SEC23A: variants seen among roughly 807,000 people sequenced by gnomAD.
The protein encoded by SEC23A is SEC23 homolog A, COPII component.
A neutral mutation model predicts 103.7 loss-of-function variants in SEC23A; 56 were observed. The observed-to-expected ratio is 0.54, with a 90% CI of 0.44 to 0.67. The LOEUF is 0.67. Among genes scored for constraint, SEC23A ranks in the 30% least tolerant of loss-of-function variants. The probability of loss-of-function intolerance (pLI) is 0.00; values close to 1 mark genes in which losing one functional copy is unlikely to be tolerated. For missense variants in SEC23A, 784 were observed against 936.4 expected (o/e 0.84, Z 2.12); for synonymous variants, 281 against 293.0 (o/e 0.96, Z 0.42).
intron 4 of SEC23A, 81 bp from the exon 5 acceptor site, chr14:39,091,794 T>A: frequency 1.1e-6 from 1 of 929,166 alleles, no homozygotes; most frequent in Non-Finnish European, 1.8e-6. Context: ...ACTAATTAAA[T>A]AACGAATACA....
intron 5 of SEC23A, among the ~76,000 whole-genome samples, chr14:39,089,467 TCCG>T (rs1887583117): frequency 7.2e-6 from 1 of 139,546 alleles, no homozygotes; most frequent in Non-Finnish European, 1.6e-5. Flanking sequence ...TCTAAGGTAC[TCCG>T]CTTCCTGTGC....
In SEC23A at chr14:39,066,016, A is replaced by C. The variant is rs1194306115; in HGVS notation, c.1228-1023T>G. 8.2e-5 allele frequency among the ~76,000 whole-genome samples: 12 copies of C among 146,666 alleles called. 1 individual carries two copies. The highest frequency in any genetic ancestry group is 5.9e-4 in the East Asian group (3 of 5,110). On this transcript the variant is annotated intron_variant, in intron 10 of 19. Transcript: ENST00000307712. ...CCATCTCAAAAAAAAAAAAAAAAAA[A>C]AAAAAAAAAAAAAAAAACTATAAGT...
intron 15 of SEC23A, 65 bp downstream of exon 15, chr14:39,048,587 G>A: frequency 1.0e-6 from 1 of 1,000,638 alleles, no homozygotes; most frequent in Non-Finnish European, 1.6e-6. Context: ...ATGACATAGG[G>A]AGAGCCTGTC....
chr14:39,085,617 T>G (rs1041040855), intron 7 of SEC23A, 145 bp downstream of exon 7: 18 of 971,622 alleles, frequency 1.9e-5, no homozygotes, highest in Non-Finnish European at 2.5e-5. Context: ...AGAAGTATTC[T>G]TTGTTGATGC....
intron 1 of SEC23A, among the ~76,000 whole-genome samples, chr14:39,098,918 A>T (rs1887987381): frequency 1.3e-5 from 2 of 151,972 alleles, no homozygotes. Context: ...AATAAAATGC[A>T]TCTAAAACAC....
rs1885706963 is a variant in SEC23A at position 39,043,140 on chromosome 14, C to A, written c.1900-268G>T. On this transcript the variant is annotated intron_variant, in intron 16 of 19. Coordinates refer to ENST00000307712, the MANE Select transcript of SEC23A (RefSeq NM_006364.4). Reference sequence around the variant, plus strand: ...TACAGGTGTGTAACACCATGTCCAGCTAGTTTTTTCATTTTTTTGTTTGTA... The same window carrying A: ...TACAGGTGTGTAACACCATGTCCAGATAGTTTTTTCATTTTTTTGTTTGTA... Among the ~76,000 whole-genome samples the A allele has an allele frequency of 2.0e-5, 3 of 151,966 alleles. 1 individual carries two copies. Among genetic ancestry groups the A allele is most frequent in the Admixed American group, 2.0e-4 (3 of 15,248 alleles).
chr14:39,098,870 A>G (rs1887985397), intron 1 of SEC23A, among the ~76,000 whole-genome samples: 3 of 151,896 alleles, frequency 2.0e-5, no homozygotes, highest in African/African-American at 7.2e-5. Context: ...GTTATTAAGA[A>G]AAAATAAAAA....
chr14:39,086,954 C>T lies in SEC23A; in HGVS notation c.658G>A (p.Val220Ile), dbSNP rs1452004136. 3 of 1,597,464 alleles carry T rather than the reference C, an allele frequency of 1.9e-6. No individual in the cohort carries two copies. Among genetic ancestry groups the T allele is most frequent in the Admixed American group, 3.3e-5 (2 of 60,000 alleles). ...PLTQATRGPQVQQPPPSNRFL... is the reference protein window; with the variant it reads ...PLTQATRGPQIQQPPPSNRFL... ...CTGTTGGAAGGAGGTGGCTGCTGTA[C>T]CTGAGGACCACGTGTTGCTTGAGTA... Residue 220 changes from valine to isoleucine, a missense_variant, in exon 6 of 20, where the codon GTA becomes ATA. Val to Ile is a conservative substitution (Grantham distance 29, BLOSUM62 3). Transcript: ENST00000307712.
rs1338355271 is a variant in SEC23A, at chr14:39,079,061, GA to G, written c.829-2969del. 4.4e-4 allele frequency among the ~76,000 whole-genome samples: 67 copies of G among 152,124 alleles called. 1 individual carries two copies. The highest frequency in any genetic ancestry group is 1.6e-3 in the African/African-American group (66 of 41,528). ...TGAAAAAATAAGTTTCCTAAAAAAAGAACGAGACTACATCCAATTATCATCA... is the reference window on the plus strand; with the variant it reads ...TGAAAAAATAAGTTTCCTAAAAAAAGACGAGACTACATCCAATTATCATCA... On this transcript the variant is annotated intron_variant, in intron 7 of 19. Transcript: ENST00000307712.
intron 18 of SEC23A, chr14:39,039,453 G>T (rs1208914442): frequency 8.8e-6 from 2 of 228,500 alleles, no homozygotes; most frequent in Non-Finnish European, 1.7e-5. Context: ...CAAAAGCCAT[G>T]AAAATCTGTA....
chr14:39,048,645 T>C lies in SEC23A; in HGVS notation c.1737+7A>G. 2.6e-6 allele frequency: 4 copies of C among 1,559,528 alleles called. No individual in the cohort carries two copies. The highest frequency in any genetic ancestry group is 3.5e-6 in the Non-Finnish European group (4 of 1,130,524). On this transcript the variant is annotated splice_region_variant and intron_variant, in intron 15 of 19. Transcript: ENST00000307712. ...AAGAAAAGAATATGGACCTTTTACCTACTTACCTGTGGATAAAGGGAGAAA... is the reference window on the plus strand; with the variant it reads ...AAGAAAAGAATATGGACCTTTTACCCACTTACCTGTGGATAAAGGGAGAAA...
chr14:39,101,392 G>GGTGGATCATGAGGTCA (rs1199381138), intron 1 of SEC23A, among the ~76,000 whole-genome samples: 6 of 151,840 alleles, frequency 4.0e-5, no homozygotes, highest in Non-Finnish European at 8.8e-5. Context: ...GGCCGAGGAG[G>GGTGGATCATGAGGTCA]GTGGATCATG....
rs1206438338 is a variant in SEC23A at position 39,064,962 on chromosome 14, A to G, written c.1259T>C (p.Ile420Thr). The part of the protein sequence containing the change: ...TSREIKISGA[I>T]GPCVSLNSKG... ...AGAATTGAGTGACACACAGGGTCCAATAGCTCCTGAAATCTTTATTTCCCT... is the reference window on the plus strand; with the variant it reads ...AGAATTGAGTGACACACAGGGTCCAGTAGCTCCTGAAATCTTTATTTCCCT... Residue 420 changes from isoleucine to threonine, a missense_variant, in exon 11 of 20, where the codon ATT (isoleucine) becomes ACT (threonine). By Grantham distance (89) the Ile-to-Thr change is moderately conservative. Around this residue, in one of 2 missense-constraint regions of SEC23A, gnomAD observed 683 missense variants for 774.2 expected, o/e 0.88. Coordinates refer to ENST00000307712, the MANE Select transcript of SEC23A (RefSeq NM_006364.4). 2 of 1,613,350 alleles carry G rather than the reference A, an allele frequency of 1.2e-6. No homozygotes were observed. Among genetic ancestry groups the G allele is most frequent in the Admixed American group, 1.7e-5 (1 of 60,026 alleles).
chr14:39,100,370 C>T (rs1319359189), intron 1 of SEC23A, among the ~76,000 whole-genome samples: 5 of 151,836 alleles, frequency 3.3e-5, no homozygotes, highest in African/African-American at 7.3e-5. Context: ...GTCCCATGTC[C>T]GACAATGGCA....
intron 1 of SEC23A, among the ~76,000 whole-genome samples, chr14:39,098,722 C>T (rs1268728993): frequency 2.7e-5 from 4 of 150,326 alleles, no homozygotes; most frequent in Non-Finnish European, 5.9e-5. Flanking sequence ...TGCAGTGAGC[C>T]GAGATCATGC....
chr14:39,091,432 A>G (rs780566178), intron 5 of SEC23A, 45 bp downstream of exon 5: 16 of 1,364,870 alleles, frequency 1.2e-5, no homozygotes, highest in Non-Finnish European at 1.6e-5. Context: ...AAACATATAT[A>G]GAGTAATTTT....
intron 17 of SEC23A, among the ~76,000 whole-genome samples, chr14:39,042,533 T>C (rs1309946201): frequency 6.6e-6 from 1 of 152,264 alleles, no homozygotes; most frequent in African/African-American, 2.4e-5. Flanking sequence ...GTACAGTCAG[T>C]GTTCTTACTT....
chr14:39,033,796 C>T (rs994453473), intron 19 of SEC23A, among the ~76,000 whole-genome samples: 2 of 151,946 alleles, frequency 1.3e-5, no homozygotes, highest in African/African-American at 4.8e-5. Flanking sequence ...AAGTAATTAA[C>T]AAGAGTTAGG....
At chr14:39,101,414 T>A (rs1594494670) in intron 1 of SEC23A, among the ~76,000 whole-genome samples, 1 of 151,560 alleles carries the variant, frequency 6.6e-6, no homozygotes, top group Non-Finnish European at 1.5e-5. Flanking sequence ...GGTCAGGAGA[T>A]CGAGACCAGC....
Sources: gnomAD v4.1 joint callset for allele counts (sites outside exome capture counted in the v4.1 genomes callset) on GRCh38, gnomAD v4.1.1 for gene constraint, gnomAD v4.1.1 regional missense constraint, MANE v1.5 for transcripts, NCBI Gene and HGNC (gene_info 2026-07-23, HGNC 2026-07-21) for gene names.